The following ASXL3 variants were observed in gnomAD, a reference collection of about 807,000 sequenced individuals.
ASXL3 encodes putative Polycomb group protein ASXL3.
ASXL3 carries 34 observed loss-of-function variants against 170.6 expected under a neutral mutation model. That is an observed-to-expected ratio of 0.20 (90% CI 0.15 to 0.27). The LOEUF is 0.27. Ranked by LOEUF, ASXL3 falls within the 10% of genes least tolerant of loss-of-function variation. The probability of loss-of-function intolerance (pLI) is 1.00; values close to 1 mark genes in which losing one functional copy is unlikely to be tolerated. For synonymous variants in ASXL3, 1,002 were observed against 989.1 expected, an observed-to-expected ratio of 1.01 and a Z score of -0.24; for missense variants, 2,592 against 2,695.3, an observed-to-expected ratio of 0.96 and a Z score of 0.85.
intron 6 of ASXL3, among the ~76,000 whole-genome samples, chr18:33,671,471 T>C (rs1274624387): frequency 6.6e-6 from 1 of 152,232 alleles, no homozygotes; most frequent in Admixed American, 6.5e-5. Flanking sequence ...TCGTGTATTT[T>C]ACAAAAGACC....
At chr18:33,730,317 G>T (rs111980126) in intron 8 of ASXL3, among the ~76,000 whole-genome samples, 6 of 152,062 alleles carry the variant, frequency 3.9e-5, no homozygotes, top group Admixed American at 6.6e-5. Context: ...GTGATTCACC[G>T]CTGGGAACCT....
chr18:33,681,694 C>T (rs1272943806), intron 7 of ASXL3, among the ~76,000 whole-genome samples: 1 of 151,588 alleles, frequency 6.6e-6, no homozygotes, highest in East Asian at 1.9e-4. Flanking sequence ...TATTTAAGAA[C>T]TTTAATCATT....
chr18:33,655,758 A>G (rs1456013044), intron 4 of ASXL3, among the ~76,000 whole-genome samples: 1 of 152,102 alleles, frequency 6.6e-6, no homozygotes, highest in Non-Finnish European at 1.5e-5. Context: ...GATATACACA[A>G]TTTCAAATGT....
At chr18:33,704,125 T>G (rs2066921621) in intron 8 of ASXL3, among the ~76,000 whole-genome samples, 2 of 152,182 alleles carry the variant, frequency 1.3e-5, no homozygotes, top group African/African-American at 4.8e-5. Flanking sequence ...TTTCAATATG[T>G]GCTATAATGT....
At chr18:33,713,845 C>T (rs942541026) in intron 8 of ASXL3, among the ~76,000 whole-genome samples, 3 of 152,198 alleles carry the variant, frequency 2.0e-5, no homozygotes, top group Admixed American at 6.5e-5. Flanking sequence ...AAAGTTCTAA[C>T]ACAGCAAAGT....
At chr18:33,606,706 C>A (rs2065253901) in intron 1 of ASXL3, among the ~76,000 whole-genome samples, 1 of 151,990 alleles carries the variant, frequency 6.6e-6, no homozygotes, top group African/African-American at 2.4e-5. Flanking sequence ...AATTAGGTGT[C>A]ATCTACCCTT....
intron 2 of ASXL3, among the ~76,000 whole-genome samples, chr18:33,638,605 G>C (rs2065804455): frequency 6.6e-6 from 1 of 152,218 alleles, no homozygotes; most frequent in Non-Finnish European, 1.5e-5. Context: ...AGAGGAGGCA[G>C]TTCTATGGAG....
chr18:33,647,097 A>G (rs2065927710), intron 4 of ASXL3, among the ~76,000 whole-genome samples: 1 of 151,854 alleles, frequency 6.6e-6, no homozygotes, highest in South Asian at 2.1e-4. Flanking sequence ...GTGTAGTTAA[A>G]GTCTCTGTCA....
At chr18:33,673,130 TGATA>T (rs2066371874) in intron 7 of ASXL3, among the ~76,000 whole-genome samples, 1 of 152,130 alleles carries the variant, frequency 6.6e-6, no homozygotes. Context: ...AGTGGGAGAA[TGATA>T]GATAAAGAAT....
chr18:33,611,908 A>G (rs933304721), intron 2 of ASXL3, among the ~76,000 whole-genome samples: 5 of 151,940 alleles, frequency 3.3e-5, no homozygotes, highest in Middle Eastern at 3.2e-3. Flanking sequence ...TTTTGATGCC[A>G]TGTCTTACGT....
At chr18:33,633,738 G>A (rs914329690) in intron 2 of ASXL3, among the ~76,000 whole-genome samples, 8 of 151,488 alleles carry the variant, frequency 5.3e-5, no homozygotes, top group Admixed American at 1.3e-4. Context: ...CTGGCTACTC[G>A]GGAGGCTGAG....
At chr18:33,730,948 C>G (rs1378416929) in intron 8 of ASXL3, among the ~76,000 whole-genome samples, 1 of 152,098 alleles carries the variant, frequency 6.6e-6, no homozygotes, top group African/African-American at 2.4e-5. Context: ...CTCATGATCT[C>G]GAATCTGTGG....
At chr18:33,718,268 A>G (rs2067198677) in intron 8 of ASXL3, among the ~76,000 whole-genome samples, 1 of 152,114 alleles carries the variant, frequency 6.6e-6, no homozygotes, top group Non-Finnish European at 1.5e-5. Context: ...TATGTATCCC[A>G]TAGACCCATA....
chr18:33,629,507 G>T (rs1276533906), intron 2 of ASXL3, among the ~76,000 whole-genome samples: 4 of 152,008 alleles, frequency 2.6e-5, no homozygotes, highest in Non-Finnish European at 1.5e-5. Flanking sequence ...TTTAGCCATG[G>T]TTTAATCAGT....
intron 2 of ASXL3, among the ~76,000 whole-genome samples, chr18:33,633,418 T>A (rs2065711280): frequency 6.6e-6 from 1 of 152,214 alleles, no homozygotes; most frequent in African/African-American, 2.4e-5. Flanking sequence ...TACGTGGATA[T>A]TAAAAACATT....
Position 33,739,838 on chromosome 18 carries a change from A to T in ASXL3, c.2434A>T (p.Ile812Leu). The change falls in exon 11 of 12, where the codon ATA becomes TTA. Residue 812 changes from isoleucine (I) to leucine (L), a missense_variant. By Grantham distance (5) the Ile-to-Leu change is conservative. Transcript: ENST00000269197. Reference sequence around the variant, plus strand: ...TCTGTCTAATACTCCCGAACCCATCATAATGAGTTCTTCTTCCATTGCTCC... The same window carrying T: ...TCTGTCTAATACTCCCGAACCCATCTTAATGAGTTCTTCTTCCATTGCTCC... ...KNLSNTPEPI[I>L]MSSSSIAPEA... 4 of 1,613,922 alleles carry T rather than the reference A, an allele frequency of 2.5e-6. No individual in the cohort carries two copies. The highest frequency in any genetic ancestry group is 3.4e-6 in the Non-Finnish European group (4 of 1,179,854).
At chr18:33,703,660 C>G (rs376093259) in intron 8 of ASXL3, among the ~76,000 whole-genome samples, 1 of 152,082 alleles carries the variant, frequency 6.6e-6, no homozygotes, top group Non-Finnish European at 1.5e-5. Flanking sequence ...TCACTCCCCC[C>G]CAACCCCCAC....
chr18:33,719,985 T>C (rs1182172737), intron 8 of ASXL3, among the ~76,000 whole-genome samples: 1 of 151,978 alleles, frequency 6.6e-6, no homozygotes, highest in Admixed American at 6.6e-5. Context: ...CTATTATTAT[T>C]GTTGTTAGTT....
At chr18:33,618,516 A>G (rs964556834) in intron 2 of ASXL3, among the ~76,000 whole-genome samples, 1 of 152,152 alleles carries the variant, frequency 6.6e-6, no homozygotes, top group Non-Finnish European at 1.5e-5. Context: ...TGTTAAGTTA[A>G]TTAAATACCT....
Sources: allele counts gnomAD v4.1 joint callset (sites outside exome capture counted in the v4.1 genomes callset), GRCh38; gene constraint gnomAD v4.1.1; transcripts MANE v1.5; gene names NCBI Gene and HGNC (gene_info 2026-07-23, HGNC 2026-07-21).